The following HSP90B1 variants were observed in gnomAD, a reference collection of about 807,000 sequenced individuals.
HSP90B1 encodes endoplasmin.
Under a neutral mutation model 100.4 loss-of-function variants are expected in HSP90B1, and 27 were observed. The observed-to-expected ratio is 0.27, with a 90% CI of 0.20 to 0.37. HSP90B1 has a LOEUF of 0.37. HSP90B1 is among the 10% of genes least tolerant of loss of function. HSP90B1 has a pLI of 1.00. For synonymous variants in HSP90B1, 304 were observed against 330.8 expected, an observed-to-expected ratio of 0.92 and a Z score of 0.88; for missense variants, 678 against 960.5, an observed-to-expected ratio of 0.71 and a Z score of 3.89.
chr12:103,944,626 T>C (rs1870175215), intron 14 of HSP90B1, among the ~76,000 whole-genome samples: 1 of 151,740 alleles, frequency 6.6e-6, no homozygotes, highest in Non-Finnish European at 1.5e-5. Flanking sequence ...GCGCAATCTC[T>C]GCTCACTGCA....
rs369425327 is a variant in HSP90B1, at chr12:103,946,473, AC to A, written c.2028-143del. The A allele has an allele frequency of 6.1e-4, 384 of 626,586 alleles. 5 individuals carry two copies. In the East Asian group the frequency reaches 0.01, roughly 17 times the overall value. The allele number at this position is 626,586 out of a possible 1,614,324, so 38.8% of individuals were successfully genotyped here. A position where few individuals can be genotyped will look rare whatever the true frequency, so the allele number is the denominator to read the frequency against. The stretch of plus-strand genomic sequence containing the variant: ...GAAAAAAAATAGCATATAAGTTCAA[AC>A]CTGTGGTGTTCAAGTGTCAATAGTA... On this transcript the variant is annotated intron_variant, in intron 14 of 17. Transcript: ENST00000299767.
rs1870138110 is a variant in HSP90B1 at position 103,943,509 on chromosome 12, A to C, written c.1890+190A>C. On this transcript the variant is annotated intron_variant, in intron 13 of 17. Coordinates refer to ENST00000299767, the MANE Select transcript of HSP90B1 (RefSeq NM_003299.3). The surrounding 1 kb of genome is among the most constrained non-coding windows in gnomAD (Gnocchi z 5.3). ...TACTGCTTTGTTAATAACTTGTTAC[A>C]AATTAAATTTTATGTTTTTAAAAGG... 1 of 702,090 alleles carries C rather than the reference A, an allele frequency of 1.4e-6. No individual in the cohort carries two copies. Among genetic ancestry groups the C allele is most frequent in the Admixed American group, 3.3e-5 (1 of 30,732 alleles). 43.5% of individuals were successfully genotyped at this position (702,090 alleles called of 1,614,324 possible). A position where few individuals can be genotyped will look rare whatever the true frequency, so the allele number is the denominator to read the frequency against.
At position 103,930,953 on chromosome 12, in the gene HSP90B1, C is replaced by G. The variant is rs1012371597; in HGVS notation, c.49+389C>G. 2.6e-5 allele frequency among the ~76,000 whole-genome samples: 4 copies of G among 152,028 alleles called. No homozygotes were observed. Among genetic ancestry groups the G allele is most frequent in the African/African-American group, 9.7e-5 (4 of 41,392 alleles). ...CGTCCCCTAATTCCCCAGACTCCGACTCCTCGCAAGCCCGTGTCCCTTCTT... is the reference window on the plus strand; with the variant it reads ...CGTCCCCTAATTCCCCAGACTCCGAGTCCTCGCAAGCCCGTGTCCCTTCTT... On this transcript the variant is annotated intron_variant, in intron 1 of 17. Transcript: ENST00000299767. This position sits in a 1 kb window ranked among gnomAD's most constrained non-coding sequence, Gnocchi z 4.4.
At chr12:103,937,932 C>T in intron 6 of HSP90B1, 126 bp downstream of exon 6, 4 of 547,268 alleles carry the variant, frequency 7.3e-6, no homozygotes, top group African/African-American at 3.9e-5. Context: ...TTTGGGAGGC[C>T]GAGACAGGTG....
chr12:103,941,790 A>G (rs760683623), intron 10 of HSP90B1, 42 bp from the exon 11 acceptor site: 4 of 1,605,442 alleles, frequency 2.5e-6, no homozygotes, highest in Admixed American at 1.7e-5. Flanking sequence ...GCTTTCTTCC[A>G]GTGGTTTTAT....
intron 5 of HSP90B1, among the ~76,000 whole-genome samples, chr12:103,935,072 T>G (rs1869872568): frequency 6.6e-6 from 1 of 152,082 alleles, no homozygotes; most frequent in Non-Finnish European, 1.5e-5. Context: ...GGGAGACTCT[T>G]TGGGGGAAAT....
At position 103,934,281 on chromosome 12, in the gene HSP90B1, C is replaced by A. The variant is rs1278344637; in HGVS notation, c.737C>A (p.Thr246Lys). The part of the protein sequence containing the change: ...PRGNTLGRGT[T>K]ITLVLKEEAS... The stretch of plus-strand genomic sequence containing the variant: ...GGAAACACTCTAGGACGGGGAACGA[C>A]AATTACGTGAGTATGACCAATTCCT... The change falls in exon 5 of 18, where the codon ACA (threonine) becomes AAA (lysine). Residue 246 changes from threonine to lysine, a missense_variant. Thr to Lys is a moderately conservative substitution (Grantham distance 78, BLOSUM62 -1). Coordinates refer to ENST00000299767, the MANE Select transcript of HSP90B1 (RefSeq NM_003299.3). 6.2e-7 allele frequency: 1 copy of A among 1,611,116 alleles called. No individual in the cohort carries two copies. Among genetic ancestry groups the A allele is most frequent in the Admixed American group, 1.7e-5 (1 of 59,962 alleles).
chr12:103,933,142 C>T (rs1869814271), intron 4 of HSP90B1, among the ~76,000 whole-genome samples, 200 bp downstream of exon 4: 1 of 150,842 alleles, frequency 6.6e-6, no homozygotes, highest in African/African-American at 2.4e-5. Flanking sequence ...CAGCCATGCC[C>T]ATTTGTTTAT....
chr12:103,942,953 A>G (rs1593491702), intron 12 of HSP90B1, 121 bp from the exon 13 acceptor site: 1 of 1,443,610 alleles, frequency 6.9e-7, no homozygotes, highest in Non-Finnish European at 9.4e-7. Context: ...TATTCTCTGA[A>G]CCTCTTAATT....
intron 4 of HSP90B1, 99 bp downstream of exon 4, chr12:103,933,041 C>A: frequency 3.1e-6 from 2 of 654,138 alleles, no homozygotes; most frequent in Non-Finnish European, 5.4e-6. Flanking sequence ...TTTGCAGTGG[C>A]AAAAAAACCC....
rs1870280765 is a variant in HSP90B1, at chr12:103,947,692, GGA to G, written c.*34_*35del. On this transcript the variant is annotated 3_prime_UTR_variant, in exon 18 of 18. Coordinates refer to ENST00000299767, the MANE Select transcript of HSP90B1 (RefSeq NM_003299.3). ...TACTCTCACCATTTGGATCCTGTGT[GGA>G]GAGGGAATGTGAAATTTACATCATT... 6.4e-7 allele frequency: 1 copy of G among 1,566,574 alleles called. No individual in the cohort carries two copies.
Position 103,946,675 on chromosome 12 carries a change from A to G in HSP90B1, c.2085A>G (p.Arg695=). ...FEINPRHPLI[R]DMLRRIKEDE... ...TTAATCCCAGACACCCGCTGATCAG[A>G]GACATGCTTCGACGAATTAAGGTAG... The change falls in exon 15 of 18, where the codon AGA becomes AGG. Residue 695 remains arginine, a synonymous_variant. Transcript: ENST00000299767. The G allele has an allele frequency of 6.2e-7, 1 of 1,614,112 alleles. No homozygotes were observed. The highest frequency in any genetic ancestry group is 8.5e-7 in the Non-Finnish European group (1 of 1,179,940).
At chr12:103,936,905 C>G (rs1869936370) in intron 5 of HSP90B1, among the ~76,000 whole-genome samples, 1 of 152,098 alleles carries the variant, frequency 6.6e-6, no homozygotes, top group African/African-American at 2.4e-5. Context: ...TGGCCAGGTA[C>G]CACTAAACTA....
chr12:103,946,753 A>T, intron 15 of HSP90B1, 33 bp from the exon 16 acceptor site: 3 of 1,613,132 alleles, frequency 1.9e-6, no homozygotes, highest in Non-Finnish European at 2.5e-6. Flanking sequence ...TGTATCTTTT[A>T]ATATTAATCT....
At chr12:103,934,694 G>T (rs1869860363) in intron 5 of HSP90B1, among the ~76,000 whole-genome samples, 1 of 152,172 alleles carries the variant, frequency 6.6e-6, no homozygotes, top group African/African-American at 2.4e-5. Flanking sequence ...AGAATGTGAT[G>T]AACTTTTATT....
intron 14 of HSP90B1, 48 bp from the exon 15 acceptor site, chr12:103,946,570 C>A: frequency 7.4e-7 from 1 of 1,350,608 alleles, no homozygotes; most frequent in Non-Finnish European, 1.1e-6. Flanking sequence ...ACGTATGAAC[C>A]CTAAAATTGG....
chr12:103,947,472 CAA>C lies in HSP90B1; in HGVS notation c.2382+44_2382+45del, dbSNP rs770116669. The C allele has an allele frequency of 3.1e-6, 5 of 1,613,858 alleles. No homozygotes were observed. In the South Asian group the frequency reaches 4.4e-5, roughly 14 times the overall value. Reference sequence around the variant, plus strand: ...ATGTGACTTGCATTTTCAGTTCTGGCAAAGTTAGGACAGAGTTTTAGTTCTGG... The same window carrying C: ...ATGTGACTTGCATTTTCAGTTCTGGCAGTTAGGACAGAGTTTTAGTTCTGG... On this transcript the variant is annotated intron_variant, in intron 17 of 17. Coordinates refer to ENST00000299767, the MANE Select transcript of HSP90B1 (RefSeq NM_003299.3).
Position 103,943,882 on chromosome 12 carries a change from T to G in HSP90B1, c.2027+8T>G. The G allele has an allele frequency of 1.2e-6, 2 of 1,611,390 alleles. No individual in the cohort carries two copies. Among genetic ancestry groups the G allele is most frequent in the Non-Finnish European group, 1.7e-6 (2 of 1,178,830 alleles). ...CAAGGACATCTCTACAAAGTAAGCA[T>G]CCTCGGGAAAGTCCCTGCCAGGGCG... On this transcript the variant is annotated splice_region_variant and intron_variant, in intron 14 of 17. Coordinates refer to ENST00000299767, the MANE Select transcript of HSP90B1 (RefSeq NM_003299.3). This position sits in a 1 kb window ranked among gnomAD's most constrained non-coding sequence, Gnocchi z 5.3.
Position 103,932,842 on chromosome 12 carries a change from T to C in HSP90B1, c.311T>C (p.Leu104Pro). ...TCCATTTAGATTTTCCTGAGAGAAC[T>C]GATTTCAAATGCTTCTGATGCTTTA... ...YKNKEIFLRE[L>P]ISNASDALDK... is the part of the protein sequence containing the mutation. Residue 104 changes from leucine to proline, a missense_variant, in exon 4 of 18, where the codon CTG (leucine) becomes CCG (proline). Coordinates refer to ENST00000299767, the MANE Select transcript of HSP90B1 (RefSeq NM_003299.3). 6.3e-7 allele frequency: 1 copy of C among 1,578,340 alleles called. No individual in the cohort carries two copies. Among genetic ancestry groups the C allele is most frequent in the Non-Finnish European group, 8.7e-7 (1 of 1,148,026 alleles).
Sources: gnomAD v4.1 joint callset for allele counts (sites outside exome capture counted in the v4.1 genomes callset) on GRCh38, gnomAD v4.1.1 for gene constraint, Gnocchi (gnomAD v3.1) non-coding constraint, MANE v1.5 for transcripts, NCBI Gene and HGNC (gene_info 2026-07-23, HGNC 2026-07-21) for gene names.